The following MAGI1 variants were observed in gnomAD, a reference collection of about 807,000 sequenced individuals.
MAGI1 encodes the protein membrane associated guanylate kinase, WW and PDZ domain containing 1.
A neutral mutation model predicts 139.9 loss-of-function variants in MAGI1; 58 were observed. The observed-to-expected ratio is 0.41, with a 90% CI of 0.34 to 0.52. The LOEUF is 0.52. Ranked by LOEUF, MAGI1 falls within the 20% of genes least tolerant of loss-of-function variation. The pLI is 0.12. For missense variants in MAGI1, 1,874 were observed against 1,901.6 expected, an observed-to-expected ratio of 0.99 and a Z score of 0.27; for synonymous variants, 812 against 737.9, an observed-to-expected ratio of 1.10 and a Z score of -1.63.
intron 1 of MAGI1, among the ~76,000 whole-genome samples, chr3:65,918,505 C>A (rs941618331): frequency 4.0e-5 from 6 of 151,518 alleles, no homozygotes; most frequent in Non-Finnish European, 5.9e-5. Flanking sequence ...CTCAGCCTCT[C>A]GAGTAGCTGG....
intron 1 of MAGI1, among the ~76,000 whole-genome samples, chr3:65,627,633 G>A (rs977140121): frequency 2.0e-5 from 3 of 150,476 alleles, no homozygotes; most frequent in East Asian, 2.0e-4. Flanking sequence ...TCAGCCTCCC[G>A]AGCAGCTGGG....
chr3:65,889,760 T>C (rs1174563116), intron 1 of MAGI1, among the ~76,000 whole-genome samples: 1 of 151,998 alleles, frequency 6.6e-6, no homozygotes, highest in Non-Finnish European at 1.5e-5. Context: ...AAATTTACAC[T>C]CATAGTATGG....
chr3:65,794,598 A>G (rs150464836), intron 1 of MAGI1, among the ~76,000 whole-genome samples: 38 of 151,936 alleles, frequency 2.5e-4, no homozygotes, highest in African/African-American at 9.2e-4. Context: ...GGCCTAGCCA[A>G]TGTCAGCCTC....
Position 65,958,957 on chromosome 3 carries a change from A to T in MAGI1, c.313+79039T>A, listed in dbSNP as rs575082865. Reference sequence around the variant, plus strand: ...AGCTGAGATCGTGCCACTGCACTCCAGCTTGGCCAACTGAGTGAGACTGTA... The same window carrying T: ...AGCTGAGATCGTGCCACTGCACTCCTGCTTGGCCAACTGAGTGAGACTGTA... On this transcript the variant is annotated intron_variant, in intron 1 of 22. Transcript: ENST00000402939. 6.5e-4 allele frequency among the ~76,000 whole-genome samples: 99 copies of T among 152,108 alleles called. 4 individuals carry two copies. The South Asian group carries it at 0.018, about 27-fold the overall frequency.
At chr3:65,437,690 A>G (rs572546568) in intron 9 of MAGI1, among the ~76,000 whole-genome samples, 2 of 152,148 alleles carry the variant, frequency 1.3e-5, no homozygotes, top group African/African-American at 4.8e-5. Flanking sequence ...CTCTGAATCC[A>G]AATGAGACCT....
intron 17 of MAGI1, among the ~76,000 whole-genome samples, chr3:65,377,896 A>G (rs1299809630): frequency 2.6e-5 from 4 of 152,174 alleles, no homozygotes; most frequent in African/African-American, 9.7e-5. Flanking sequence ...GAAGCAACAC[A>G]CCAGGATTAA....
At chr3:65,723,163 T>C (rs2107696231) in intron 1 of MAGI1, among the ~76,000 whole-genome samples, 1 of 152,238 alleles carries the variant, frequency 6.6e-6, no homozygotes, top group East Asian at 1.9e-4. Context: ...CAACAAAACC[T>C]AGATGAACTA....
intron 1 of MAGI1, among the ~76,000 whole-genome samples, chr3:65,822,081 G>A (rs991996889): frequency 6.6e-6 from 1 of 152,132 alleles, no homozygotes; most frequent in Non-Finnish European, 1.5e-5. Flanking sequence ...ACACCACAGG[G>A]ATGGGATCAG....
At chr3:65,425,540 A>C (rs1040127122) in intron 12 of MAGI1, among the ~76,000 whole-genome samples, 2 of 152,224 alleles carry the variant, frequency 1.3e-5, no homozygotes, top group Admixed American at 6.5e-5. Flanking sequence ...TTAAAAAAAT[A>C]AGTGTCAGGG....
At chr3:65,610,788 A>ATATATAGTATATATAGGTATATATAG (rs2083026320) in intron 2 of MAGI1, among the ~76,000 whole-genome samples, 1 of 101,474 alleles carries the variant, frequency 9.9e-6, no homozygotes, top group Admixed American at 9.9e-5. Flanking sequence ...TGTATATAGT[A>ATATATAGTATATATAGGTATATATAG]TATATAGTAT....
intron 12 of MAGI1, among the ~76,000 whole-genome samples, chr3:65,407,268 G>T (rs999318392): frequency 1.3e-5 from 2 of 152,052 alleles, no homozygotes; most frequent in African/African-American, 4.8e-5. Context: ...CCAACATGGC[G>T]AAACCCTATC....
At chr3:65,950,681 T>C (rs911734793) in intron 1 of MAGI1, among the ~76,000 whole-genome samples, 1 of 152,148 alleles carries the variant, frequency 6.6e-6, no homozygotes, top group African/African-American at 2.4e-5. Flanking sequence ...CCTCTTCAAC[T>C]GGTTGGAACG....
intron 12 of MAGI1, among the ~76,000 whole-genome samples, chr3:65,408,409 A>G (rs534360855): frequency 6.6e-6 from 1 of 152,330 alleles, no homozygotes; most frequent in South Asian, 2.1e-4. Flanking sequence ...CCCTGGTAAA[A>G]GGAATGTGCC....
intron 10 of MAGI1, 54 bp downstream of exon 10, chr3:65,437,101 A>G: frequency 7.6e-7 from 1 of 1,307,442 alleles, no homozygotes; most frequent in South Asian, 1.3e-5. Flanking sequence ...TACCTTAAAA[A>G]AAATTAGATT....
intron 12 of MAGI1, among the ~76,000 whole-genome samples, chr3:65,416,427 T>C (rs1247596384): frequency 1.3e-5 from 2 of 152,138 alleles, no homozygotes; most frequent in East Asian, 1.9e-4. Context: ...AAGGGTCTAT[T>C]AGAATTTTTC....
intron 12 of MAGI1, among the ~76,000 whole-genome samples, chr3:65,420,295 T>G (rs1946547851): frequency 6.6e-6 from 1 of 151,962 alleles, no homozygotes; most frequent in Non-Finnish European, 1.5e-5. Flanking sequence ...AATTCTTTCT[T>G]AGGGTCTTTG....
chr3:65,825,925 T>C (rs1306678663), intron 1 of MAGI1, among the ~76,000 whole-genome samples: 8 of 152,034 alleles, frequency 5.3e-5, no homozygotes, highest in South Asian at 4.2e-4. Context: ...GAGGCAGAGG[T>C]TGCAGTGAGC....
chr3:65,479,024 C>A (rs1241272885), intron 3 of MAGI1, among the ~76,000 whole-genome samples: 1 of 152,162 alleles, frequency 6.6e-6, no homozygotes, highest in Admixed American at 6.5e-5. Context: ...TTAGTGCAAA[C>A]AACCTACTAG....
At chr3:65,843,606 T>C (rs1366977969) in intron 1 of MAGI1, among the ~76,000 whole-genome samples, 3 of 152,180 alleles carry the variant, frequency 2.0e-5, no homozygotes, top group South Asian at 4.1e-4. Context: ...ACCAGTTAAC[T>C]CACTCATTTC....
Sources: allele counts gnomAD v4.1 joint callset (sites outside exome capture counted in the v4.1 genomes callset), GRCh38; gene constraint gnomAD v4.1.1; transcripts MANE v1.5; gene names NCBI Gene and HGNC (gene_info 2026-07-23, HGNC 2026-07-21).